Variants in KLRD1 observed in about 807,000 individuals in gnomAD.
The protein encoded by KLRD1 is killer cell lectin like receptor D1, also known as natural killer cells antigen CD94.
Under a neutral mutation model 22.6 loss-of-function variants are expected in KLRD1, and 21 were observed. The observed-to-expected ratio is 0.93, with a 90% CI of 0.66 to 1.34. KLRD1 has a LOEUF of 1.34. KLRD1 is among the 40% of genes most tolerant of loss of function. KLRD1 has a pLI of 0.00. For missense variants in KLRD1, 183 were observed against 208.6 expected (o/e 0.88, Z 0.76); for synonymous variants, 59 against 71.1 (o/e 0.83, Z 0.85).
Position 10,328,412 on chromosome 12 carries a change from A to G in KLRD1, c.*13619A>G, listed in dbSNP as rs1476737884. ...GGTCCTTGTCTTTGTGAATTTTTTCATTTCTTCTAGGTTATCCAATTTGTT... is the reference window on the plus strand; with the variant it reads ...GGTCCTTGTCTTTGTGAATTTTTTCGTTTCTTCTAGGTTATCCAATTTGTT... On this transcript the variant is annotated 3_prime_UTR_variant, in exon 6 of 6. Coordinates refer to ENST00000336164, the MANE Select transcript of KLRD1 (RefSeq NM_002262.5). 6.6e-6 allele frequency: 1 copy of G among 151,700 alleles called. No homozygotes were observed. The highest frequency in any genetic ancestry group is 1.5e-5 in the Non-Finnish European group (1 of 67,916). 9.4% of individuals were successfully genotyped at this position (151,700 alleles called of 1,614,324 possible). A position where few individuals can be genotyped will look rare whatever the true frequency, so the allele number is the denominator to read the frequency against.
At chr12:10,296,639 T>A (rs1254341338) in intron 1 of KLRD1, among the ~76,000 whole-genome samples, 4 of 152,062 alleles carry the variant, frequency 2.6e-5, no homozygotes, top group Non-Finnish European at 5.9e-5. Context: ...ATGAGTGAAG[T>A]TTGGTAATAA....
chr12:10,323,309 G>C lies in KLRD1; in HGVS notation c.*8516G>C, dbSNP rs923381143. ...TGGCAGTTTATGTGAGTGTTACTCT[G>C]TATTCTTGACAATACATAGTATTAT... On this transcript the variant is annotated 3_prime_UTR_variant, in exon 6 of 6. Transcript: ENST00000336164. 2 of 152,034 alleles carry C rather than the reference G, an allele frequency of 1.3e-5. No homozygotes were observed. Among genetic ancestry groups the C allele is most frequent in the East Asian group, 3.9e-4 (2 of 5,192 alleles). 9.4% of individuals were successfully genotyped at this position (152,034 alleles called of 1,614,324 possible). A position where few individuals can be genotyped will look rare whatever the true frequency, so the allele number is the denominator to read the frequency against.
At chr12:10,307,325 G>A (rs553045265), upstream of KLRD1, among the ~76,000 whole-genome samples, 9 of 152,264 alleles carry the variant, frequency 5.9e-5, no homozygotes, top group East Asian at 7.7e-4. Flanking sequence ...TGAATGAGGC[G>A]TCCAAGTGGG....
chr12:10,301,458 C>T (rs374843735), upstream of KLRD1, among the ~76,000 whole-genome samples: 25 of 152,276 alleles, frequency 1.6e-4, no homozygotes, highest in African/African-American at 5.8e-4. Flanking sequence ...CTCAAATGTT[C>T]CAACCCCTGC....
intron 1 of KLRD1, among the ~76,000 whole-genome samples, chr12:10,247,678 G>A (rs1348688875): frequency 6.6e-6 from 1 of 152,112 alleles, no homozygotes; most frequent in East Asian, 1.9e-4. Context: ...ACATGTCATG[G>A]GAGGGACCAA....
chr12:10,287,649 G>A (rs566704374), intron 1 of KLRD1, among the ~76,000 whole-genome samples: 4 of 152,240 alleles, frequency 2.6e-5, no homozygotes, highest in African/African-American at 7.2e-5. Flanking sequence ...AGCATGAAAT[G>A]GAGAAACGAG....
At chr12:10,304,045 A>G (rs543280993), upstream of KLRD1, among the ~76,000 whole-genome samples, 11 of 152,226 alleles carry the variant, frequency 7.2e-5, no homozygotes, top group Admixed American at 3.9e-4. Flanking sequence ...CCAGTTCTTC[A>G]AGAAGGTAAC....
rs1239842459 is a variant in KLRD1, at chr12:10,315,449, T to C, written c.*656T>C. 5.5e-6 allele frequency: 1 copy of C among 182,898 alleles called. No homozygotes were observed. The highest frequency in any genetic ancestry group is 1.2e-5 in the Non-Finnish European group (1 of 85,968). 11.3% of individuals were successfully genotyped at this position (182,898 alleles called of 1,614,324 possible). On this transcript the variant is annotated 3_prime_UTR_variant, in exon 6 of 6. Transcript: ENST00000336164. ...CCCTCTTCACATTCTTGTATGAAGA[T>C]TGATTTGGGAAAAATGCATTTCAGG...
chr12:10,308,779 C>G (rs940611054), intron 1 of KLRD1: 2 of 152,956 alleles, frequency 1.3e-5, no homozygotes, highest in Non-Finnish European at 2.9e-5. Flanking sequence ...CAATGAGCAG[C>G]TAGACATTTA....
At position 10,327,629 on chromosome 12, in the gene KLRD1, T is replaced by C. The variant is rs1036816206; in HGVS notation, c.*12836T>C. On this transcript the variant is annotated 3_prime_UTR_variant, in exon 6 of 6. Coordinates refer to ENST00000336164, the MANE Select transcript of KLRD1 (RefSeq NM_002262.5). ...GCATGCCATAGGCAAACAGGGACCA[T>C]TGTACTTCTTCTTTTACAATCTGTA... The C allele has an allele frequency of 2.0e-5, 3 of 152,166 alleles. No individual in the cohort carries two copies. The highest frequency in any genetic ancestry group is 1.9e-4 in the East Asian group (1 of 5,202). 9.4% of individuals were successfully genotyped at this position (152,166 alleles called of 1,614,324 possible).
chr12:10,283,875 A>G (rs544741120), intron 1 of KLRD1, among the ~76,000 whole-genome samples: 112 of 152,232 alleles, frequency 7.4e-4, no homozygotes, highest in Non-Finnish European at 1.3e-3. Flanking sequence ...CTCATACTCA[A>G]TCAAAAGTAA....
intron 1 of KLRD1, among the ~76,000 whole-genome samples, chr12:10,239,758 C>T (rs1447867244): frequency 2.6e-5 from 4 of 151,488 alleles, no homozygotes; most frequent in Non-Finnish European, 4.4e-5. Flanking sequence ...TCTCCTGCCT[C>T]AGCCTCCTAA....
At chr12:10,308,442 A>T in intron 1 of KLRD1, 1 of 249,152 alleles carries the variant, frequency 4.0e-6, no homozygotes. Context: ...GTTTTAATTG[A>T]CTATTTATGT....
chr12:10,266,405 C>T (rs1269849667), intron 1 of KLRD1, among the ~76,000 whole-genome samples: 1 of 151,932 alleles, frequency 6.6e-6, no homozygotes, highest in Non-Finnish European at 1.5e-5. Context: ...CCATGATTAC[C>T]TTTGAAGTTG....
Position 10,322,732 on chromosome 12 carries a change from G to T in KLRD1, c.*7939G>T, listed in dbSNP as rs890389846. 2.6e-5 allele frequency: 4 copies of T among 151,574 alleles called. No homozygotes were observed. Among genetic ancestry groups the T allele is most frequent in the African/African-American group, 9.7e-5 (4 of 41,206 alleles). The allele number at this position is 151,574 out of a possible 1,614,324, so 9.4% of individuals were successfully genotyped here. A position where few individuals can be genotyped will look rare whatever the true frequency, so the allele number is the denominator to read the frequency against. Reference sequence around the variant, plus strand: ...AAGAATACCTATCTTAAATTTACTCGTAAACATTTAAGCTATGTCTACACT... The same window carrying T: ...AAGAATACCTATCTTAAATTTACTCTTAAACATTTAAGCTATGTCTACACT... On this transcript the variant is annotated 3_prime_UTR_variant, in exon 6 of 6. Transcript: ENST00000336164.
rs139617485 is a variant in KLRD1, at chr12:10,314,715, G to A, written c.462G>A (p.Ala154=). The part of the protein sequence containing the change: ...FETFNTKNCI[A]YNPNGNALDE... ...CTTTTAATACAAAGAACTGCATAGCGTATAATCCAAATGGAAATGCTTTAG... is the reference window on the plus strand; with the variant it reads ...CTTTTAATACAAAGAACTGCATAGCATATAATCCAAATGGAAATGCTTTAG... The change falls in exon 6 of 6, where the codon GCG becomes GCA. Residue 154 remains alanine, a synonymous_variant. Transcript: ENST00000336164. 2.8e-5 allele frequency: 44 copies of A among 1,594,656 alleles called. No individual in the cohort carries two copies. The highest frequency in any genetic ancestry group is 8.7e-5 in the Admixed American group (5 of 57,638).
Position 10,314,685 on chromosome 12 carries a change from T to G in KLRD1, c.432T>G (p.Phe144Leu). The G allele has an allele frequency of 1.3e-6, 2 of 1,570,972 alleles. No homozygotes were observed. Among genetic ancestry groups the G allele is most frequent in the Non-Finnish European group, 1.7e-6 (2 of 1,162,668 alleles). ...TTCTTCATTACAGATTTCCATCATTTGAAACTTTTAATACAAAGAACTGCA... is the reference window on the plus strand; with the variant it reads ...TTCTTCATTACAGATTTCCATCATTGGAAACTTTTAATACAAAGAACTGCA... ...SALSQYLFPS[F>L]ETFNTKNCIA... The change falls in exon 6 of 6, where the codon TTT becomes TTG. Residue 144 changes from phenylalanine (F) to leucine (L), a missense_variant. Transcript: ENST00000336164.
At chr12:10,307,599 A>C (rs190290536), upstream of KLRD1, among the ~76,000 whole-genome samples, 2 of 152,338 alleles carry the variant, frequency 1.3e-5, no homozygotes, top group East Asian at 3.9e-4. Flanking sequence ...ATAAATGTTT[A>C]TTATTAAAAG....
intron 1 of KLRD1, among the ~76,000 whole-genome samples, chr12:10,252,951 T>C (rs924458177): frequency 5.2e-5 from 2 of 38,410 alleles, no homozygotes; most frequent in Non-Finnish European, 1.8e-4. Context: ...CAGTGGGCAG[T>C]TGTAAAAAAA....
Sources: gnomAD v4.1 joint callset for allele counts (sites outside exome capture counted in the v4.1 genomes callset) on GRCh38, gnomAD v4.1.1 for gene constraint, MANE v1.5 for transcripts, NCBI Gene and HGNC (gene_info 2026-07-23, HGNC 2026-07-21) for gene names.